Variants in AFDN observed in about 807,000 individuals in gnomAD.
AFDN encodes afadin, adherens junction formation factor, also known as afadin.
In AFDN, 68 loss-of-function variants were observed where a neutral mutation model predicts 216.6. That is an observed-to-expected ratio of 0.31 (90% confidence interval 0.26 to 0.38). The LOEUF is 0.38. Ranked by LOEUF, AFDN falls within the 10% of genes least tolerant of loss-of-function variation. AFDN has a pLI of 1.00. For synonymous variants in AFDN, 868 were observed against 853.7 expected (o/e 1.02, Z -0.29); for missense variants, 2,136 against 2,342.0 (o/e 0.91, Z 1.82).
At chr6:167,857,457 T>TA (rs1434075676) in intron 1 of AFDN, among the ~76,000 whole-genome samples, 1 of 152,128 alleles carries the variant, frequency 6.6e-6, no homozygotes, top group Non-Finnish European at 1.5e-5. Context: ...GGAGAAATGT[T>TA]ACTTGGTAAA....
chr6:167,828,756 T>C (rs1000315026), intron 1 of AFDN, among the ~76,000 whole-genome samples: 1 of 151,742 alleles, frequency 6.6e-6, no homozygotes, highest in Admixed American at 6.6e-5. Context: ...GTGTAGCTTT[T>C]TTTTTTTGTT....
chr6:167,870,672 C>T (rs1443566034), intron 3 of AFDN, among the ~76,000 whole-genome samples, 174 bp downstream of exon 3: 1 of 152,176 alleles, frequency 6.6e-6, no homozygotes, highest in African/African-American at 2.4e-5. Context: ...TCTACTTTAT[C>T]CTTTATCTCA....
rs770519282 is a variant in AFDN, at chr6:167,914,758, G to C, written c.2299+20G>C. The C allele has an allele frequency of 2.0e-6, 3 of 1,511,380 alleles. No homozygotes were observed. Among genetic ancestry groups the C allele is most frequent in the Non-Finnish European group, 2.8e-6 (3 of 1,087,186 alleles). The allele number at this position is 1,511,380 out of a possible 1,614,324, so 93.6% of individuals were successfully genotyped here. The stretch of plus-strand genomic sequence containing the variant: ...AAATAGGTTAGGATGTTTTCTGACT[G>C]TCTCCCTCTATCCCGCTTCCTTCAC... On this transcript the variant is annotated intron_variant, in intron 18 of 33. Coordinates refer to ENST00000683244, the MANE Select transcript of AFDN (RefSeq NM_001386888.1).
At chr6:167,930,656 G>A (rs1170324809) in intron 23 of AFDN, among the ~76,000 whole-genome samples, 3 of 152,174 alleles carry the variant, frequency 2.0e-5, no homozygotes, top group African/African-American at 7.2e-5. Context: ...GGCCCAGACT[G>A]TGGAGATTTT....
intron 6 of AFDN, 60 bp downstream of exon 6, chr6:167,880,577 T>C: frequency 1.3e-6 from 2 of 1,527,328 alleles, no homozygotes; most frequent in Non-Finnish European, 1.8e-6. Flanking sequence ...GTAGATTTTC[T>C]TTAAATCAAA....
At chr6:167,954,557 GTGGC>G in intron 30 of AFDN, 1 of 1,464,744 alleles carries the variant, frequency 6.8e-7, no homozygotes, top group Non-Finnish European at 9.4e-7. Flanking sequence ...TCTTTCAGTG[GTGGC>G]TGTTTGATGT....
rs1789116529 is a variant in AFDN, at chr6:167,902,521, A to G, written c.1650+135A>G. ...AGACCACCAGTCAATGTCTGAAATC[A>G]TAAATAGTACAGAGCCCTATGGATA... is the stretch of plus-strand genomic sequence containing the variant. On this transcript the variant is annotated intron_variant, in intron 12 of 33. Transcript: ENST00000683244. 27 of 650,434 alleles carry G rather than the reference A, an allele frequency of 4.2e-5. No homozygotes were observed. In the East Asian group the frequency reaches 7.3e-4, roughly 18 times the overall value. 40.3% of individuals were successfully genotyped at this position (650,434 alleles called of 1,614,324 possible).
At chr6:167,916,364 A>G (rs1004482027) in intron 19 of AFDN, among the ~76,000 whole-genome samples, 1 of 152,192 alleles carries the variant, frequency 6.6e-6, no homozygotes, top group Admixed American at 6.5e-5. Flanking sequence ...TAGCCCTGCA[A>G]ATTTTTAGGG....
At chr6:167,963,937 G>A in intron 31 of AFDN, 1 of 1,064,626 alleles carries the variant, frequency 9.4e-7, no homozygotes, top group South Asian at 4.6e-5. Flanking sequence ...GTGCCAGCTT[G>A]GCTGTCCCAG....
At chr6:167,861,439 T>A (rs1017173842) in intron 1 of AFDN, among the ~76,000 whole-genome samples, 31 of 152,240 alleles carry the variant, frequency 2.0e-4, no homozygotes, top group African/African-American at 7.2e-4. Flanking sequence ...TGCTACTGCC[T>A]GATGAGGACA....
intron 12 of AFDN, 62 bp downstream of exon 12, chr6:167,902,448 A>C (rs770623062): frequency 7.7e-5 from 95 of 1,228,728 alleles, no homozygotes; most frequent in Middle Eastern, 5.7e-4. Context: ...GGATGAATAC[A>C]GTAGTGGTGG....
intron 23 of AFDN, among the ~76,000 whole-genome samples, chr6:167,927,587 T>G (rs1792727756): frequency 6.6e-6 from 1 of 152,166 alleles, no homozygotes; most frequent in African/African-American, 2.4e-5. Context: ...GGGCATCTGT[T>G]CAGGAGTTCG....
chr6:167,876,362 A>G (rs1479799545), intron 5 of AFDN, among the ~76,000 whole-genome samples: 2 of 152,240 alleles, frequency 1.3e-5, no homozygotes, highest in East Asian at 1.9e-4. Flanking sequence ...TTGAGACCCA[A>G]GTGATTCTTT....
At position 167,971,714 on chromosome 6, in the gene AFDN, G is replaced by T. The variant is rs1483789554; in HGVS notation, c.*1779G>T. ...ATACATGTAAATATCTACATACAGG[G>T]ATATTTGTATGTGTGGTTGTGAAAC... On this transcript the variant is annotated 3_prime_UTR_variant, in exon 34 of 34. Transcript: ENST00000683244. 4.9e-6 allele frequency: 1 copy of T among 202,370 alleles called. No homozygotes were observed. The highest frequency in any genetic ancestry group is 7.7e-5 in the East Asian group (1 of 12,920). The allele number at this position is 202,370 out of a possible 1,614,324, so 12.5% of individuals were successfully genotyped here. A position where few individuals can be genotyped will look rare whatever the true frequency, so the allele number is the denominator to read the frequency against.
chr6:167,876,303 C>G (rs2128278909), intron 5 of AFDN, among the ~76,000 whole-genome samples: 1 of 152,276 alleles, frequency 6.6e-6, no homozygotes, highest in South Asian at 2.1e-4. Context: ...AAAAAGATCT[C>G]AGAGAGTACG....
Position 167,934,313 on chromosome 6 carries a change from C to A in AFDN, c.3100-8816C>A, listed in dbSNP as rs144954816. On this transcript the variant is annotated intron_variant, in intron 23 of 33. Coordinates refer to ENST00000683244, the MANE Select transcript of AFDN (RefSeq NM_001386888.1). The stretch of plus-strand genomic sequence containing the variant: ...TCAAGCTCAGTTACCTTGCTCACAG[C>A]ACCAAACCTGCTGGGGGTAACTTAC... Among the ~76,000 whole-genome samples, 500 of 152,282 alleles carry A rather than the reference C, an allele frequency of 3.3e-3. 3 individuals carry two copies. Among genetic ancestry groups the A allele is most frequent in the African/African-American group, 0.012 (479 of 41,566 alleles).
At chr6:167,852,049 C>T (rs1215491428) in intron 1 of AFDN, among the ~76,000 whole-genome samples, 1 of 152,082 alleles carries the variant, frequency 6.6e-6, no homozygotes, top group Non-Finnish European at 1.5e-5. Flanking sequence ...TTTAGGTGCA[C>T]TGTTTTTTAA....
At chr6:167,952,307 A>T (rs549880249) in intron 30 of AFDN, 120 bp downstream of exon 30, 4 of 1,550,956 alleles carry the variant, frequency 2.6e-6, no homozygotes, top group Non-Finnish European at 3.5e-6. Context: ...CCCTAGGCTT[A>T]TACTGTTTTA....
At chr6:167,899,113 C>A (rs1428472999) in intron 11 of AFDN, among the ~76,000 whole-genome samples, 2 of 152,142 alleles carry the variant, frequency 1.3e-5, no homozygotes, top group Non-Finnish European at 2.9e-5. Flanking sequence ...CATGAACCCG[C>A]GTGGTCTTCC....
Sources: gnomAD v4.1 joint callset for allele counts (sites outside exome capture counted in the v4.1 genomes callset) on GRCh38, gnomAD v4.1.1 for gene constraint, MANE v1.5 for transcripts, NCBI Gene and HGNC (gene_info 2026-07-23, HGNC 2026-07-21) for gene names.